F13A1: variants seen among roughly 807,000 people sequenced by gnomAD.
The protein encoded by F13A1 is coagulation factor XIII A chain.
F13A1 carries 47 observed loss-of-function variants against 80.1 expected under a neutral mutation model. That is an observed-to-expected ratio of 0.59 (90% CI 0.46 to 0.75). F13A1 has a LOEUF of 0.75. F13A1 is among the 30% of genes least tolerant of loss of function. The pLI, the probability that F13A1 is intolerant of heterozygous loss-of-function variation, is 0.00. For missense variants in F13A1, 817 were observed against 930.4 expected, an observed-to-expected ratio of 0.88 and a Z score of 1.59; for synonymous variants, 349 against 344.9, an observed-to-expected ratio of 1.01 and a Z score of -0.13.
intron 13 of F13A1, among the ~76,000 whole-genome samples, chr6:6,163,950 T>C (rs1399335449): frequency 4.6e-5 from 7 of 152,112 alleles, no homozygotes; most frequent in African/African-American, 1.7e-4. Flanking sequence ...AAGTGTTCCT[T>C]TTTCTCCACA....
chr6:6,158,005 A>G (rs748112338), intron 13 of F13A1, among the ~76,000 whole-genome samples: 6 of 152,118 alleles, frequency 3.9e-5, no homozygotes, highest in East Asian at 3.9e-4. Flanking sequence ...ACGATCATCT[A>G]TCCTGGCTAA....
intron 6 of F13A1, among the ~76,000 whole-genome samples, chr6:6,245,513 C>T (rs1054341150): frequency 2.6e-5 from 4 of 152,176 alleles, no homozygotes; most frequent in African/African-American, 7.2e-5. Context: ...CGTGAGCCAC[C>T]GTTCCTGGCC....
At chr6:6,161,551 T>TGTGTGTGTGTGAGAGA (rs1010361754) in intron 13 of F13A1, among the ~76,000 whole-genome samples, 3 of 146,282 alleles carry the variant, frequency 2.1e-5, no homozygotes, top group African/African-American at 7.6e-5. Context: ...TGTGTGTGTG[T>TGTGTGTGTGTGAGAGA]GAGAGAGAGA....
At chr6:6,184,073 G>C (rs1343489184) in intron 10 of F13A1, among the ~76,000 whole-genome samples, 5 of 152,346 alleles carry the variant, frequency 3.3e-5, no homozygotes, top group African/African-American at 9.6e-5. Flanking sequence ...CATGAAGTCG[G>C]ATTTCTACTA....
intron 1 of F13A1, among the ~76,000 whole-genome samples, chr6:6,319,443 A>G (rs1758738907): frequency 6.6e-6 from 1 of 152,160 alleles, no homozygotes; most frequent in African/African-American, 2.4e-5. Context: ...GGTTGCCAAC[A>G]TTTCCCATTC....
chr6:6,257,435 T>G (rs1035971754), intron 4 of F13A1, among the ~76,000 whole-genome samples: 6 of 152,226 alleles, frequency 3.9e-5, no homozygotes, highest in African/African-American at 7.2e-5. Context: ...CTTGCCTATC[T>G]AGTAACACTG....
At chr6:6,152,606 C>T (rs1402450531) in intron 13 of F13A1, among the ~76,000 whole-genome samples, 1 of 152,134 alleles carries the variant, frequency 6.6e-6, no homozygotes, top group African/African-American at 2.4e-5. Flanking sequence ...GAGCTCAGTG[C>T]CAGGTTCAAC....
In F13A1 at chr6:6,197,320, G is replaced by T; in HGVS notation, c.1119C>A (p.Tyr373Ter). Residue 373 changes from tyrosine (Y) to a stop codon, truncating the protein, a stop_gained, in exon 9 of 15, where the codon TAC becomes TAA. Transcript: ENST00000264870. LOFTEE classifies it high-confidence loss of function. ...TCATCCATGCTTCATTCCAGCAGTG[G>T]TAGTTCCTTAGAAAACACAAGCCCA... ...SKLTKDSVWN[Y>*]HCWNEAWMTR... The T allele has an allele frequency of 1.2e-6, 2 of 1,614,036 alleles. No homozygotes were observed. The highest frequency in any genetic ancestry group is 8.5e-7 in the Non-Finnish European group (1 of 1,179,930).
intron 3 of F13A1, among the ~76,000 whole-genome samples, chr6:6,303,973 T>C (rs1583122207): frequency 6.6e-6 from 1 of 152,204 alleles, no homozygotes; most frequent in African/African-American, 2.4e-5. Context: ...TCTGTTGGGT[T>C]TTCTACATAC....
chr6:6,197,295 T>C lies in F13A1; in HGVS notation c.1144A>G (p.Thr382Ala). ...AATCCAACAGGAAGGTCAGGCCTTGTCATCCATGCTTCATTCCAGCAGTGG... is the reference window on the plus strand; with the variant it reads ...AATCCAACAGGAAGGTCAGGCCTTGCCATCCATGCTTCATTCCAGCAGTGG... The part of the protein sequence containing the change: ...NYHCWNEAWM[T>A]RPDLPVGFGG... Residue 382 changes from threonine (T) to alanine (A), a missense_variant, in exon 9 of 15, where the codon ACA becomes GCA. By Grantham distance (58) the Thr-to-Ala change is moderately conservative. Transcript: ENST00000264870. The C allele has an allele frequency of 6.2e-7, 1 of 1,614,212 alleles. No individual in the cohort carries two copies. The highest frequency in any genetic ancestry group is 2.2e-5 in the East Asian group (1 of 44,888).
chr6:6,228,758 A>C (rs1781786), intron 6 of F13A1, among the ~76,000 whole-genome samples: 25,641 of 146,426 alleles, frequency 0.18, 2,678 homozygotes, highest in African/African-American at 0.28. Flanking sequence ...AAAAAAGCTG[A>C]TCTTTTTATT....
At chr6:6,280,580 T>C (rs573771804) in intron 3 of F13A1, among the ~76,000 whole-genome samples, 1 of 152,350 alleles carries the variant, frequency 6.6e-6, no homozygotes, top group South Asian at 2.1e-4. Context: ...CCTAGTTTTT[T>C]GCAAGTGACA....
At chr6:6,237,160 T>C (rs1380488410) in intron 6 of F13A1, among the ~76,000 whole-genome samples, 2 of 152,132 alleles carry the variant, frequency 1.3e-5, no homozygotes, top group African/African-American at 4.8e-5. Context: ...AAAATTGTTC[T>C]AAAAAATAAA....
intron 13 of F13A1, among the ~76,000 whole-genome samples, chr6:6,157,826 C>CA (rs1339300546): frequency 1.3e-5 from 2 of 151,982 alleles, no homozygotes; most frequent in Non-Finnish European, 2.9e-5. Context: ...TTTTAAGATT[C>CA]AAAAAAATAG....
chr6:6,179,512 A>G (rs1760941916), intron 11 of F13A1, among the ~76,000 whole-genome samples: 1 of 152,194 alleles, frequency 6.6e-6, no homozygotes, highest in African/African-American at 2.4e-5. Flanking sequence ...GTAAGTACTG[A>G]GCCACGGATA....
At chr6:6,180,879 C>T (rs937591686) in intron 11 of F13A1, among the ~76,000 whole-genome samples, 2 of 152,222 alleles carry the variant, frequency 1.3e-5, no homozygotes, top group Non-Finnish European at 2.9e-5. Flanking sequence ...AAATTCTGCA[C>T]TCCTTAGCAC....
intron 10 of F13A1, among the ~76,000 whole-genome samples, chr6:6,191,615 GT>G (rs1761201459): frequency 6.6e-6 from 1 of 152,200 alleles, no homozygotes; most frequent in South Asian, 2.1e-4. Context: ...GTGAACATTT[GT>G]CCACAGGTGG....
intron 3 of F13A1, among the ~76,000 whole-genome samples, chr6:6,300,685 G>A (rs921840010): frequency 6.6e-6 from 1 of 152,148 alleles, no homozygotes; most frequent in Non-Finnish European, 1.5e-5. Flanking sequence ...AGATGGAAAT[G>A]CAGAAATCAC....
At chr6:6,212,855 G>T (rs1056498882) in intron 8 of F13A1, among the ~76,000 whole-genome samples, 6 of 152,152 alleles carry the variant, frequency 3.9e-5, no homozygotes, top group African/African-American at 1.4e-4. Context: ...GAGCTGAAAA[G>T]CAAGGCTCGA....
Sources: gnomAD v4.1 joint callset for allele counts (sites outside exome capture counted in the v4.1 genomes callset) on GRCh38, gnomAD v4.1.1 for gene constraint, MANE v1.5 for transcripts, NCBI Gene and HGNC (gene_info 2026-07-23, HGNC 2026-07-21) for gene names.